Variants in RIN3 observed in about 807,000 individuals in gnomAD.
RIN3 encodes RAB5 interacting protein 3.
A neutral mutation model predicts 76.3 loss-of-function variants in RIN3; 54 were observed. The ratio of observed to expected loss-of-function variants is 0.71; its 90% confidence interval spans 0.57 to 0.89. The LOEUF (loss-of-function observed/expected upper bound fraction) is 0.89. RIN3 is among the 40% of genes least tolerant of loss of function. The pLI, the probability that RIN3 is intolerant of heterozygous loss-of-function variation, is 0.00. For synonymous variants in RIN3, 576 were observed against 564.0 expected (o/e 1.02, Z -0.30); for missense variants, 1,256 against 1,322.1 (o/e 0.95, Z 0.78).
chr14:92,675,091 T>C (rs769376310), intron 7 of RIN3, among the ~76,000 whole-genome samples: 3 of 152,076 alleles, frequency 2.0e-5, no homozygotes, highest in Non-Finnish European at 4.4e-5. Flanking sequence ...GTTAGAAAAA[T>C]AATTTGATTC....
Position 92,665,305 on chromosome 14 carries a change from C to T in RIN3, c.2335+5836C>T, listed in dbSNP as rs1454131999. Among the ~76,000 whole-genome samples, 4 of 151,034 alleles carry T rather than the reference C, an allele frequency of 2.6e-5. No individual in the cohort carries two copies. The South Asian group carries it at 6.3e-4, about 24-fold the overall frequency. On this transcript the variant is annotated intron_variant, in intron 7 of 9. Transcript: ENST00000216487. Reference sequence around the variant, plus strand: ...GATCTCATGGAACCACCGTCATATACGTGGTCCATCATTGACCAAAAGTTC... The same window carrying T: ...GATCTCATGGAACCACCGTCATATATGTGGTCCATCATTGACCAAAAGTTC...
chr14:92,570,226 T>C (rs8007304), intron 2 of RIN3, among the ~76,000 whole-genome samples: 3 of 151,974 alleles, frequency 2.0e-5, no homozygotes, highest in African/African-American at 7.3e-5. Context: ...AAGTTTGCCT[T>C]CCCAGGGGCA....
intron 1 of RIN3, among the ~76,000 whole-genome samples, chr14:92,516,956 C>A (rs1462973600): frequency 6.6e-6 from 1 of 152,236 alleles, no homozygotes; most frequent in Non-Finnish European, 1.5e-5. Flanking sequence ...CCAGACCCTT[C>A]ACCATCCCCT....
intron 1 of RIN3, among the ~76,000 whole-genome samples, chr14:92,544,006 G>T (rs950759622): frequency 7.9e-5 from 12 of 151,916 alleles, no homozygotes; most frequent in Admixed American, 2.0e-4. Flanking sequence ...TGAACTGTTC[G>T]TGAAGCCTCC....
At position 92,539,233 on chromosome 14, in the gene RIN3, C is replaced by T. The variant is rs190457133; in HGVS notation, c.45-16518C>T. 2.9e-3 allele frequency among the ~76,000 whole-genome samples: 442 copies of T among 152,184 alleles called. 1 individual carries two copies. Among genetic ancestry groups the T allele is most frequent in the Non-Finnish European group, 4.6e-3 (314 of 68,008 alleles). On this transcript the variant is annotated intron_variant, in intron 1 of 9. Transcript: ENST00000216487. Reference sequence around the variant, plus strand: ...CATATGACTGTTGTAATTATTATTACGTTAAGCCCAGAGTGGGGTCTGGGC... The same window carrying T: ...CATATGACTGTTGTAATTATTATTATGTTAAGCCCAGAGTGGGGTCTGGGC...
intron 1 of RIN3, among the ~76,000 whole-genome samples, chr14:92,515,812 C>T (rs1457106675): frequency 6.6e-6 from 1 of 152,226 alleles, no homozygotes; most frequent in Non-Finnish European, 1.5e-5. Context: ...GTGCTTGGTA[C>T]ATTCTAGCAC....
intron 7 of RIN3, among the ~76,000 whole-genome samples, chr14:92,661,499 GC>G (rs988948271): frequency 2.6e-5 from 4 of 152,092 alleles, no homozygotes; most frequent in Non-Finnish European, 5.9e-5. Context: ...GCTGAGGTGG[GC>G]GGATCACGAG....
Position 92,648,892 on chromosome 14 carries a change from G to T in RIN3, c.533-2690G>T, listed in dbSNP as rs1887297934. Among the ~76,000 whole-genome samples the T allele has an allele frequency of 6.6e-6, 1 of 152,198 alleles. No homozygotes were observed. The highest frequency in any genetic ancestry group is 1.5e-5 in the Non-Finnish European group (1 of 68,034). ...AGCCCTGAAGGATGAGTAAGCATTT[G>T]CCAGGTGGAGAGGGTGGGAAAAGGA... On this transcript the variant is annotated intron_variant, in intron 5 of 9. Coordinates refer to ENST00000216487, the MANE Select transcript of RIN3 (RefSeq NM_024832.5). This position sits in a 1 kb window ranked among gnomAD's most constrained non-coding sequence, Gnocchi z 4.1.
At chr14:92,678,253 A>ACCAC (rs997252475) in intron 8 of RIN3, among the ~76,000 whole-genome samples, 6 of 136,256 alleles carry the variant, frequency 4.4e-5, no homozygotes, top group African/African-American at 1.7e-4. Flanking sequence ...CATCCACCTA[A>ACCAC]CCACCCACCC....
chr14:92,553,705 C>T (rs1010859699), intron 1 of RIN3, among the ~76,000 whole-genome samples: 2 of 152,098 alleles, frequency 1.3e-5, no homozygotes, highest in African/African-American at 2.4e-5. Context: ...CAGGGCCCCC[C>T]GGAGGATGTG....
At chr14:92,680,739 G>C (rs943769102) in intron 8 of RIN3, among the ~76,000 whole-genome samples, 1 of 152,190 alleles carries the variant, frequency 6.6e-6, no homozygotes. Context: ...TTCTGTGTTC[G>C]ACAGAAAGCC....
chr14:92,627,378 C>A (rs1886393943), intron 4 of RIN3, among the ~76,000 whole-genome samples: 1 of 152,226 alleles, frequency 6.6e-6, no homozygotes, highest in Admixed American at 6.5e-5. Flanking sequence ...AGCCCCATGG[C>A]AGGATCTGCC....
Position 92,688,376 on chromosome 14 carries a change from C to A in RIN3, c.*124C>A, listed in dbSNP as rs1485059067. 2.4e-5 allele frequency: 22 copies of A among 911,542 alleles called. No individual in the cohort carries two copies. The East Asian group carries it at 4.9e-4, about 20-fold the overall frequency. 56.5% of individuals were successfully genotyped at this position (911,542 alleles called of 1,614,324 possible). On this transcript the variant is annotated 3_prime_UTR_variant, in exon 10 of 10. Coordinates refer to ENST00000216487, the MANE Select transcript of RIN3 (RefSeq NM_024832.5). ...GGGCCATTCCATGACGTGCCCAGGC[C>A]AACGTCGCAGGACAGTTGTGAAAAT...
chr14:92,682,865 T>C (rs949555558), intron 8 of RIN3, among the ~76,000 whole-genome samples: 4 of 152,056 alleles, frequency 2.6e-5, no homozygotes, highest in Admixed American at 1.3e-4. Context: ...ATCTGCCTCA[T>C]GTCAAAAATC....
At chr14:92,537,804 A>G (rs1173344379) in intron 1 of RIN3, among the ~76,000 whole-genome samples, 1 of 148,884 alleles carries the variant, frequency 6.7e-6, no homozygotes, top group African/African-American at 2.5e-5. Flanking sequence ...GGTGCACGCC[A>G]CCACGCCTGG....
chr14:92,665,207 A>C (rs1432574707), intron 7 of RIN3, among the ~76,000 whole-genome samples: 1 of 152,126 alleles, frequency 6.6e-6, no homozygotes, highest in Non-Finnish European at 1.5e-5. Context: ...AGGCAGTTGT[A>C]GCTCAGTGGC....
At chr14:92,613,670 G>C (rs951411437) in intron 3 of RIN3, among the ~76,000 whole-genome samples, 1 of 152,154 alleles carries the variant, frequency 6.6e-6, no homozygotes, top group African/African-American at 2.4e-5. Context: ...CTTTAGGGAA[G>C]AGCTCCTTTC....
At chr14:92,645,415 T>G (rs1270944003) in intron 5 of RIN3, among the ~76,000 whole-genome samples, 1 of 152,230 alleles carries the variant, frequency 6.6e-6, no homozygotes, top group Non-Finnish European at 1.5e-5. Flanking sequence ...AAGGGTTTAT[T>G]CAGCTATAAA....
At chr14:92,654,772 C>T (rs1452026084) in intron 6 of RIN3, among the ~76,000 whole-genome samples, 1 of 152,206 alleles carries the variant, frequency 6.6e-6, no homozygotes, top group Admixed American at 6.5e-5. Context: ...CCCAACTCCG[C>T]ATCAGGTGCT....
Sources: gnomAD v4.1 joint callset for allele counts (sites outside exome capture counted in the v4.1 genomes callset) on GRCh38, gnomAD v4.1.1 for gene constraint, Gnocchi (gnomAD v3.1) non-coding constraint, MANE v1.5 for transcripts, NCBI Gene and HGNC (gene_info 2026-07-23, HGNC 2026-07-21) for gene names.